The following PCDHGB4 variants were observed in gnomAD, a reference collection of about 807,000 sequenced individuals.
PCDHGB4 encodes protocadherin gamma-B4.
In PCDHGB4, 38 loss-of-function variants were observed where a neutral mutation model predicts 60.5. That is an observed-to-expected ratio of 0.63 (90% CI 0.48 to 0.82). The LOEUF (loss-of-function observed/expected upper bound fraction) is 0.82, where lower values mean the gene tolerates loss of function less well. Among genes scored for constraint, PCDHGB4 ranks in the 40% least tolerant of loss-of-function variants. The pLI is 0.00. For synonymous variants in PCDHGB4, 456 were observed against 509.7 expected (o/e 0.89, Z 1.42); for missense variants, 1,109 against 1,209.6 (o/e 0.92, Z 1.23).
At chr5:141,423,980 G>A (rs2154550577) in intron 1 of PCDHGB4, 1 of 1,110,878 alleles carries the variant, frequency 9.0e-7, no homozygotes, top group South Asian at 4.5e-5. Flanking sequence ...AGTGTATGAG[G>A]CTCTCAATTT....
chr5:141,409,883 C>CGGGTGCTGTACCCAGCTCT, intron 1 of PCDHGB4: 1 of 1,612,988 alleles, frequency 6.2e-7, no homozygotes, highest in Non-Finnish European at 8.5e-7. Context: ...CAACGCACCG[C>CGGGTGCTGTACCCAGCTCT]GGGTGCTGTA....
intron 1 of PCDHGB4, chr5:141,404,926 C>CA (rs765817542): frequency 1.2e-6 from 2 of 1,613,884 alleles, no homozygotes; most frequent in Non-Finnish European, 1.7e-6. Context: ...CGGCCACTGT[C>CA]ACGCTCACAG....
chr5:141,422,477 A>G (rs1230502545), intron 1 of PCDHGB4: 2 of 1,613,904 alleles, frequency 1.2e-6, no homozygotes, highest in Admixed American at 1.7e-5. Flanking sequence ...GAGTTGGTCC[A>G]GAGCTACAAT....
chr5:141,421,634 A>G (rs771759412), intron 1 of PCDHGB4: 12 of 1,613,714 alleles, frequency 7.4e-6, no homozygotes, highest in South Asian at 1.1e-5. Context: ...AGCTTCCAGG[A>G]GGACGAAGTG....
At chr5:141,422,604 T>C in intron 1 of PCDHGB4, 1 of 1,614,030 alleles carries the variant, frequency 6.2e-7, no homozygotes, top group Non-Finnish European at 8.5e-7. Flanking sequence ...CCTCTTACTC[T>C]GCCTACATTC....
chr5:141,390,340 A>T (rs762864171), intron 1 of PCDHGB4, 59 bp downstream of exon 1: 2 of 1,586,842 alleles, frequency 1.3e-6, no homozygotes, highest in South Asian at 2.3e-5. Context: ...CCATATTCAC[A>T]AGAAAATATA....
intron 1 of PCDHGB4, among the ~76,000 whole-genome samples, chr5:141,445,700 A>G (rs2098474731): frequency 6.6e-6 from 1 of 152,216 alleles, no homozygotes; most frequent in Non-Finnish European, 1.5e-5. Flanking sequence ...TAAAAAAGAA[A>G]TTGTCAGGCA....
intron 1 of PCDHGB4, chr5:141,478,480 G>C (rs1444434721): frequency 1.9e-6 from 3 of 1,613,564 alleles, no homozygotes; most frequent in South Asian, 2.2e-5. Flanking sequence ...GCCAGAACAC[G>C]CTGCGGAGCT....
chr5:141,418,429 A>T (rs765952024), intron 1 of PCDHGB4: 2 of 1,613,854 alleles, frequency 1.2e-6, no homozygotes, highest in African/African-American at 2.7e-5. Context: ...ATGGTGGCAA[A>T]TATCCAGAAT....
intron 1 of PCDHGB4, among the ~76,000 whole-genome samples, chr5:141,448,451 C>T (rs1261733103): frequency 6.6e-6 from 1 of 152,032 alleles, no homozygotes; most frequent in Admixed American, 6.6e-5. Context: ...GACTTCCATC[C>T]CTATCCTACT....
At position 141,489,635 on chromosome 5, in the gene PCDHGB4, G is replaced by A. The variant is rs1380466520; in HGVS notation, c.2398-5172G>A. On this transcript the variant is annotated intron_variant, in intron 1 of 3. Coordinates refer to ENST00000519479, the MANE Select transcript of PCDHGB4 (RefSeq NM_003736.4). The surrounding 1 kb of genome is among the most constrained non-coding windows in gnomAD (Gnocchi z 4.5). Reference sequence around the variant, plus strand: ...CTGGATCTCAATGACAACTCTCCTAGCTTTGCCACCCCTGAGCGAGAGATG... The same window carrying A: ...CTGGATCTCAATGACAACTCTCCTAACTTTGCCACCCCTGAGCGAGAGATG... 6.2e-7 allele frequency: 1 copy of A among 1,614,142 alleles called. No individual in the cohort carries two copies. The highest frequency in any genetic ancestry group is 8.5e-7 in the Non-Finnish European group (1 of 1,180,012).
At chr5:141,444,621 G>A (rs1265458898) in intron 1 of PCDHGB4, among the ~76,000 whole-genome samples, 1 of 152,132 alleles carries the variant, frequency 6.6e-6, no homozygotes, top group Non-Finnish European at 1.5e-5. Flanking sequence ...CATGTGGCAT[G>A]ATGCACCAGT....
rs545524357 is a variant in PCDHGB4, at chr5:141,467,902, G to A, written c.2398-26905G>A. ...TCAAACTCCTGAGCTCAAGAAATCC[G>A]CCCACCTCAGCCTCCCAAAATGCTA... On this transcript the variant is annotated intron_variant, in intron 1 of 3. Coordinates refer to ENST00000519479, the MANE Select transcript of PCDHGB4 (RefSeq NM_003736.4). 1.1e-4 allele frequency among the ~76,000 whole-genome samples: 16 copies of A among 151,862 alleles called. No homozygotes were observed. The East Asian group carries it at 2.3e-3, about 22-fold the overall frequency.
chr5:141,461,438 T>C (rs1034260263), intron 1 of PCDHGB4, among the ~76,000 whole-genome samples: 3 of 152,200 alleles, frequency 2.0e-5, no homozygotes, highest in African/African-American at 7.2e-5. Flanking sequence ...GTATACCTTC[T>C]TTTGAGAAAT....
intron 1 of PCDHGB4, chr5:141,405,384 CA>C: frequency 1.9e-6 from 3 of 1,600,664 alleles, no homozygotes; most frequent in Non-Finnish European, 2.6e-6. Context: ...CCGGTGAGTT[CA>C]TTTTTTTTCT....
intron 1 of PCDHGB4, among the ~76,000 whole-genome samples, chr5:141,451,410 G>T (rs1201545799): frequency 6.6e-6 from 1 of 152,190 alleles, no homozygotes; most frequent in East Asian, 1.9e-4. Context: ...TAAGTTCCTT[G>T]TGGATTGTTA....
intron 1 of PCDHGB4, chr5:141,427,665 G>A (rs763897261): frequency 1.3e-5 from 10 of 782,298 alleles, no homozygotes; most frequent in Admixed American, 3.9e-5. Flanking sequence ...CCACGTGGCC[G>A]AAAACAACCT....
intron 1 of PCDHGB4, chr5:141,415,066 C>G: frequency 6.2e-7 from 1 of 1,613,410 alleles, no homozygotes; most frequent in Non-Finnish European, 8.5e-7. Context: ...GGGCGAGGTG[C>G]GCACGGCGCG....
Position 141,491,968 on chromosome 5 carries a change from G to GC in PCDHGB4, c.2398-2837dup. On this transcript the variant is annotated intron_variant, in intron 1 of 3. Coordinates refer to ENST00000519479, the MANE Select transcript of PCDHGB4 (RefSeq NM_003736.4). The surrounding 1 kb of genome is among the most constrained non-coding windows in gnomAD (Gnocchi z 6.9). ...ACCCCTACACTCAAAAAAGGCCGGG[G>GC]CCTCCTTCGAGCTTCCGGTGAATTT... 1.1e-6 allele frequency: 1 copy of GC among 923,644 alleles called. No homozygotes were observed. Among genetic ancestry groups the GC allele is most frequent in the Admixed American group, 3.6e-5 (1 of 27,548 alleles). 57.2% of individuals were successfully genotyped at this position (923,644 alleles called of 1,614,324 possible).
Sources: gnomAD v4.1 joint callset for allele counts (sites outside exome capture counted in the v4.1 genomes callset) on GRCh38, gnomAD v4.1.1 for gene constraint, Gnocchi (gnomAD v3.1) non-coding constraint, MANE v1.5 for transcripts, NCBI Gene and HGNC (gene_info 2026-07-23, HGNC 2026-07-21) for gene names.